The following WNK3 variants were observed in gnomAD, a reference collection of about 807,000 sequenced individuals.
The protein encoded by WNK3 is serine/threonine-protein kinase WNK3.
A neutral mutation model predicts 116.7 loss-of-function variants in WNK3; 18 were observed. The observed-to-expected ratio is 0.15, with a 90% CI of 0.11 to 0.23. The LOEUF is 0.23. Ranked by LOEUF, WNK3 falls within the 10% of genes least tolerant of loss-of-function variation. WNK3 has a pLI of 1.00. For synonymous variants in WNK3, 404 were observed against 469.4 expected (o/e 0.86, Z 1.80); for missense variants, 993 against 1,323.8 (o/e 0.75, Z 3.88).
chrX:54,335,361 T>G (rs1445752442), intron 1 of WNK3, among the ~76,000 whole-genome samples: 3 of 112,405 alleles, frequency 2.7e-5, no homozygotes, highest in Non-Finnish European at 5.6e-5. Context: ...CTTACAGACA[T>G]AATTCTGAAA....
At chrX:54,333,524 C>T in exon 2 of WNK3, 2 of 1,211,403 alleles carry the variant, frequency 1.7e-6, no homozygotes, top group Non-Finnish European at 2.2e-6. Context: ...CTACAGTTTC[C>T]CCAGAAGCAG....
chrX:54,257,203 A>G (rs1258996494), intron 11 of WNK3, among the ~76,000 whole-genome samples: 1 of 110,503 alleles, frequency 9.0e-6, no homozygotes, highest in Non-Finnish European at 1.9e-5. Context: ...GTATCTCCTG[A>G]TCCCCAACCC....
intron 2 of WNK3, among the ~76,000 whole-genome samples, chrX:54,314,937 T>TG (rs1434820098): frequency 9.0e-6 from 1 of 110,812 alleles, no homozygotes; most frequent in Non-Finnish European, 1.9e-5. Context: ...CAAAAATAAA[T>TG]AAATAATCTA....
intron 2 of WNK3, among the ~76,000 whole-genome samples, chrX:54,331,399 TAC>T (rs1322017184): frequency 9.1e-6 from 1 of 109,575 alleles, no homozygotes; most frequent in Admixed American, 9.9e-5. Flanking sequence ...TATATATATA[TAC>T]ACACATACAT....
chrX:54,196,537 G>C (rs1219644011), exon 24 of WNK3: 1 of 109,640 alleles, frequency 9.1e-6, no homozygotes, highest in Non-Finnish European at 1.9e-5. Context: ...AGAAGAATAC[G>C]GAGGAAAATC....
exon 7 of WNK3, chrX:54,298,328 T>C (rs1557166767): frequency 4.1e-6 from 5 of 1,211,529 alleles, no homozygotes; most frequent in South Asian, 1.8e-5. Flanking sequence ...CTTCTTCTGC[T>C]AACTCCACCC....
At chrX:54,301,651 T>C (rs1557167496) in intron 6 of WNK3, 120 bp downstream of exon 6, 2 of 519,952 alleles carry the variant, frequency 3.8e-6, no homozygotes, top group Non-Finnish European at 6.4e-6. Flanking sequence ...ATCTAGAGTA[T>C]GGTTTGGCTT....
chrX:54,346,183 A>G (rs1318887384), intron 1 of WNK3, among the ~76,000 whole-genome samples: 6 of 99,371 alleles, frequency 6.0e-5, no homozygotes, highest in African/African-American at 1.8e-4. Context: ...ATAGTATCTC[A>G]GTTAAACTTT....
intron 5 of WNK3, among the ~76,000 whole-genome samples, chrX:54,302,322 G>C (rs2068766165): frequency 9.0e-6 from 1 of 111,213 alleles, no homozygotes; most frequent in South Asian, 3.8e-4. Flanking sequence ...TTTTGAGATG[G>C]AGTCTCGCTC....
At chrX:54,286,005 G>A (rs782342259) in intron 10 of WNK3, among the ~76,000 whole-genome samples, 2 of 111,470 alleles carry the variant, frequency 1.8e-5, no homozygotes, top group African/African-American at 6.5e-5. Context: ...GTATAATTTA[G>A]GTGTTAGGTA....
chrX:54,284,157 G>T (rs1240807975), intron 10 of WNK3, among the ~76,000 whole-genome samples: 3 of 111,405 alleles, frequency 2.7e-5, no homozygotes, highest in African/African-American at 9.8e-5. Context: ...TATCTGACAA[G>T]GGACTTGTAT....
At chrX:54,269,899 TA>T (rs1177256948) in intron 10 of WNK3, among the ~76,000 whole-genome samples, 8 of 109,323 alleles carry the variant, frequency 7.3e-5, no homozygotes, top group Admixed American at 4.0e-4. Flanking sequence ...TATACCTTTG[TA>T]AAAAAAAATT....
At chrX:54,321,282 T>C (rs1316408157) in intron 2 of WNK3, among the ~76,000 whole-genome samples, 3 of 111,938 alleles carry the variant, frequency 2.7e-5, no homozygotes, top group Non-Finnish European at 5.6e-5. Flanking sequence ...AAAGTATTTA[T>C]CATGTTTTTC....
At chrX:54,328,878 C>A (rs2147246260) in intron 2 of WNK3, among the ~76,000 whole-genome samples, 1 of 110,470 alleles carries the variant, frequency 9.1e-6, no homozygotes, top group South Asian at 3.9e-4. Flanking sequence ...CAGCCTCAAA[C>A]TCTGGGGCTC....
intron 22 of WNK3, among the ~76,000 whole-genome samples, chrX:54,215,804 G>A (rs929716379): frequency 9.0e-6 from 1 of 111,576 alleles, no homozygotes; most frequent in Non-Finnish European, 1.9e-5. Flanking sequence ...CATTGAGAAC[G>A]GGCCATGATG....
At chrX:54,351,539 G>T (rs1350561384) in intron 1 of WNK3, among the ~76,000 whole-genome samples, 1 of 111,470 alleles carries the variant, frequency 9.0e-6, no homozygotes, top group African/African-American at 3.3e-5. Context: ...GGGAGGCTGA[G>T]GCGGGAGGAT....
At chrX:54,255,704 T>A (rs2068184492) in intron 12 of WNK3, 36 bp downstream of exon 12, 1 of 1,189,120 alleles carries the variant, frequency 8.4e-7, no homozygotes, top group African/African-American at 1.8e-5. Flanking sequence ...CAGACCTCTA[T>A]ATGTACTCTT....
At chrX:54,237,089 T>C in exon 20 of WNK3, 1 of 1,212,153 alleles carries the variant, frequency 8.2e-7, no homozygotes, top group African/African-American at 1.7e-5. Flanking sequence ...CACTGATTAC[T>C]CTCTGGACCA....
At chrX:54,325,679 CAAAAAAAAAAAA>C (rs57064020) in intron 2 of WNK3, among the ~76,000 whole-genome samples, 1 of 11,311 alleles carries the variant, frequency 8.8e-5, no homozygotes, top group African/African-American at 1.9e-4. Flanking sequence ...AACTCCCTCT[CAAAAAAAAAAAA>C]AAAAAAAAAA....
Sources: gnomAD v4.1 joint callset for allele counts (sites outside exome capture counted in the v4.1 genomes callset) on GRCh38, gnomAD v4.1.1 for gene constraint, MANE v1.5 for transcripts, NCBI Gene and HGNC (gene_info 2026-07-23, HGNC 2026-07-21) for gene names.